Variants in ADGRL2 observed in about 807,000 individuals in gnomAD.
ADGRL2 encodes calcium-independent alpha-latrotoxin receptor 2.
In ADGRL2, 44 loss-of-function variants were observed where a neutral mutation model predicts 157.4. That is an observed-to-expected ratio of 0.28 (90% CI 0.22 to 0.36). The LOEUF is 0.36. ADGRL2 is among the 10% of genes least tolerant of loss of function. ADGRL2 has a pLI of 1.00. For synonymous variants in ADGRL2, 585 were observed against 624.7 expected, an observed-to-expected ratio of 0.94 and a Z score of 0.95; for missense variants, 1,510 against 1,768.9, an observed-to-expected ratio of 0.85 and a Z score of 2.63.
chr1:81,406,831 G>C (rs2076862722), intron 1 of ADGRL2, among the ~76,000 whole-genome samples: 1 of 152,156 alleles, frequency 6.6e-6, no homozygotes, highest in African/African-American at 2.4e-5. Flanking sequence ...AAACCAATTT[G>C]AGCTTGTCAG....
chr1:81,375,374 A>G (rs985696961), intron 1 of ADGRL2, among the ~76,000 whole-genome samples: 6 of 152,200 alleles, frequency 3.9e-5, no homozygotes, highest in African/African-American at 1.2e-4. Context: ...AGGGCCGTGA[A>G]GTTCATTGAA....
chr1:81,779,140 T>C (rs2086712614), intron 2 of ADGRL2, among the ~76,000 whole-genome samples: 1 of 152,078 alleles, frequency 6.6e-6, no homozygotes, highest in Non-Finnish European at 1.5e-5. Flanking sequence ...AGAGATAAAG[T>C]AGTGAACAAA....
At chr1:81,498,435 C>G (rs2078774510) in intron 2 of ADGRL2, among the ~76,000 whole-genome samples, 1 of 152,136 alleles carries the variant, frequency 6.6e-6, no homozygotes, top group East Asian at 1.9e-4. Flanking sequence ...ACCATTTAAT[C>G]TTTCATCAAG....
intron 3 of ADGRL2, among the ~76,000 whole-genome samples, chr1:81,667,212 G>A (rs11806621): frequency 0.31 from 47,338 of 152,058 alleles, 7,863 homozygotes; most frequent in African/African-American, 0.43. Flanking sequence ...TCCCTGGTTA[G>A]GTGGATGTTG....
chr1:81,374,076 T>TACACAC (rs10645046), intron 1 of ADGRL2, among the ~76,000 whole-genome samples: 2 of 150,516 alleles, frequency 1.3e-5, no homozygotes, highest in East Asian at 2.0e-4. Flanking sequence ...TAAATACACA[T>TACACAC]ACACACACAC....
intron 1 of ADGRL2, among the ~76,000 whole-genome samples, chr1:81,713,424 A>G (rs924891462): frequency 6.6e-6 from 1 of 152,204 alleles, no homozygotes; most frequent in Admixed American, 6.5e-5. Context: ...GTACCAGAAG[A>G]GGTAAGGTTA....
At chr1:81,780,101 G>A (rs114246640) in intron 2 of ADGRL2, among the ~76,000 whole-genome samples, 67 of 152,192 alleles carry the variant, frequency 4.4e-4, no homozygotes, top group African/African-American at 1.6e-3. Flanking sequence ...TTTTATGTTC[G>A]TCTAGATTTT....
At chr1:81,559,171 T>C (rs1260076875) in intron 2 of ADGRL2, among the ~76,000 whole-genome samples, 1 of 152,174 alleles carries the variant, frequency 6.6e-6, no homozygotes, top group African/African-American at 2.4e-5. Context: ...ACCTCACCAT[T>C]AGCCTCTCTG....
intron 2 of ADGRL2, among the ~76,000 whole-genome samples, chr1:81,876,095 A>G (rs2093832804): frequency 6.6e-6 from 1 of 152,168 alleles, no homozygotes. Context: ...GAGTTACCAT[A>G]TTTGAGCTAA....
intron 3 of ADGRL2, among the ~76,000 whole-genome samples, chr1:81,673,888 T>A (rs528537096): frequency 6.6e-6 from 1 of 152,308 alleles, no homozygotes; most frequent in African/African-American, 2.4e-5. Flanking sequence ...TTATAATGTT[T>A]GAATCAAATC....
intron 3 of ADGRL2, among the ~76,000 whole-genome samples, chr1:81,608,968 G>A (rs1022729262): frequency 2.0e-5 from 3 of 152,128 alleles, no homozygotes; most frequent in African/African-American, 7.2e-5. Flanking sequence ...GCTCTCTTGA[G>A]AGGTTTACAT....
chr1:81,461,345 A>G (rs1014388469), intron 2 of ADGRL2, among the ~76,000 whole-genome samples: 1 of 151,288 alleles, frequency 6.6e-6, no homozygotes, highest in Non-Finnish European at 1.5e-5. Context: ...TTTCAAGAAC[A>G]TATCAGATGT....
rs12032879 is a variant in ADGRL2, at chr1:81,383,590, T to G, written c.-301-61446T>G. The stretch of plus-strand genomic sequence containing the variant: ...TATGCAATAGATACACTCTGCAAAA[T>G]TTTAAAGGCCTTTATATTACTCAGT... On this transcript the variant is annotated intron_variant, in intron 1 of 24. Coordinates refer to the ADGRL2 transcript ENST00000370721. Among the ~76,000 whole-genome samples the G allele has an allele frequency of 9.8e-3, 1,484 of 151,294 alleles. 34 individuals are homozygous for G. Among genetic ancestry groups the G allele is most frequent in the East Asian group, 0.063 (323 of 5,116 alleles).
chr1:81,874,013 T>G (rs1055990749), intron 2 of ADGRL2, among the ~76,000 whole-genome samples: 1 of 152,138 alleles, frequency 6.6e-6, no homozygotes, highest in Non-Finnish European at 1.5e-5. Flanking sequence ...TATGTAATGT[T>G]TAGGGAGTTT....
chr1:81,860,712 G>A (rs2093361133), intron 2 of ADGRL2, among the ~76,000 whole-genome samples: 1 of 152,202 alleles, frequency 6.6e-6, no homozygotes, highest in Admixed American at 6.5e-5. Flanking sequence ...TCTGGTTCAA[G>A]CTCCCTTATC....
At chr1:81,824,967 C>CTCTCTCTCTT (rs1553162235) in intron 1 of ADGRL2, among the ~76,000 whole-genome samples, 4,771 of 150,466 alleles carry the variant, frequency 0.032, 117 homozygotes, top group Non-Finnish European at 0.043. Flanking sequence ...CTCTCTCTCT[C>CTCTCTCTCTT]TCTCTCTCTC....
At chr1:81,616,308 AC>A (rs1557508823) in intron 3 of ADGRL2, among the ~76,000 whole-genome samples, 2 of 152,192 alleles carry the variant, frequency 1.3e-5, no homozygotes, top group African/African-American at 4.8e-5. Flanking sequence ...AACAGGTACC[AC>A]ACGCAGGACC....
At chr1:81,970,286 T>C (rs1233101029) in intron 15 of ADGRL2, 28 bp from the exon 16 acceptor site, 6 of 1,504,024 alleles carry the variant, frequency 4.0e-6, no homozygotes, top group Middle Eastern at 3.4e-4. Context: ...GAGTTTTCTT[T>C]TGTGTTTTTT....
intron 1 of ADGRL2, among the ~76,000 whole-genome samples, chr1:81,396,217 C>T (rs957489179): frequency 3.3e-5 from 5 of 152,084 alleles, no homozygotes; most frequent in African/African-American, 1.2e-4. Flanking sequence ...AGATCTTTTA[C>T]CTCTTTGGTT....
Sources: allele counts gnomAD v4.1 joint callset (sites outside exome capture counted in the v4.1 genomes callset), GRCh38; gene constraint gnomAD v4.1.1; transcripts MANE v1.5; gene names NCBI Gene and HGNC (gene_info 2026-07-23, HGNC 2026-07-21).